CNTN5: variants seen among roughly 807,000 people sequenced by gnomAD.
CNTN5 encodes the protein contactin-5.
In CNTN5, 77 loss-of-function variants were observed where a neutral mutation model predicts 129.1. The ratio of observed to expected loss-of-function variants is 0.60; its 90% CI spans 0.50 to 0.72. The LOEUF is 0.72. Among genes scored for constraint, CNTN5 ranks in the 30% least tolerant of loss-of-function variants. The pLI, the probability that CNTN5 is intolerant of heterozygous loss-of-function variation, is 0.00. For synonymous variants in CNTN5, 509 were observed against 465.6 expected (o/e 1.09, Z -1.20); for missense variants, 1,478 against 1,328.8 (o/e 1.11, Z -1.75).
chr11:99,032,927 C>A (rs1409260965), intron 1 of CNTN5, among the ~76,000 whole-genome samples: 1 of 136,260 alleles, frequency 7.3e-6, no homozygotes, highest in African/African-American at 3.0e-5. Flanking sequence ...TTTAATCCAT[C>A]TTGAATTGAT....
At chr11:99,139,980 T>A (rs11218533) in intron 1 of CNTN5, among the ~76,000 whole-genome samples, 34,289 of 152,020 alleles carry the variant, frequency 0.23, 4,157 homozygotes, top group East Asian at 0.33. Context: ...GCTCTCATGA[T>A]CTCCAAGCTT....
intron 13 of CNTN5, among the ~76,000 whole-genome samples, chr11:100,140,048 G>GA (rs2138249823): frequency 6.6e-6 from 1 of 152,262 alleles, no homozygotes; most frequent in Non-Finnish European, 1.5e-5. Flanking sequence ...GTTATCAAGA[G>GA]AAAGAGAGGA....
rs188019627 is a variant in CNTN5, at chr11:99,922,711, A to G, written c.673+6562A>G. Among the ~76,000 whole-genome samples, 298 of 152,244 alleles carry G rather than the reference A, an allele frequency of 2.0e-3. 1 individual carries two copies. The highest frequency in any genetic ancestry group is 3.2e-3 in the Non-Finnish European group (221 of 68,004). On this transcript the variant is annotated intron_variant, in intron 7 of 24. Transcript: ENST00000524871. Reference sequence around the variant, plus strand: ...AAAGTGTCAGGAGTCAAATTTTATTATTTTTATCTTTCCAAGTAGATTATA... The same window carrying G: ...AAAGTGTCAGGAGTCAAATTTTATTGTTTTTATCTTTCCAAGTAGATTATA...
intron 8 of CNTN5, among the ~76,000 whole-genome samples, chr11:99,958,881 G>A (rs761382992): frequency 2.6e-5 from 4 of 152,024 alleles, no homozygotes; most frequent in African/African-American, 9.7e-5. Flanking sequence ...GGTTGAGGAG[G>A]CTCTTCCACC....
At chr11:99,693,657 G>A (rs570222455) in intron 3 of CNTN5, among the ~76,000 whole-genome samples, 1 of 152,192 alleles carries the variant, frequency 6.6e-6, no homozygotes, top group South Asian at 2.1e-4. Context: ...CCCAAATTGA[G>A]TAGTTGACAA....
At chr11:99,054,030 T>A (rs1201826280) in intron 1 of CNTN5, among the ~76,000 whole-genome samples, 2 of 152,014 alleles carry the variant, frequency 1.3e-5, no homozygotes, top group Non-Finnish European at 2.9e-5. Context: ...AATTCTGTTA[T>A]CCTTGGAAAG....
Position 100,024,031 on chromosome 11 carries a change from G to T in CNTN5, c.980+21895G>T, listed in dbSNP as rs116879783. 8.2e-3 allele frequency among the ~76,000 whole-genome samples: 1,246 copies of T among 152,130 alleles called. 10 individuals are homozygous for T. The highest frequency in any genetic ancestry group is 0.014 in the Non-Finnish European group (935 of 67,986). ...ACTCCTTTTGTTATATACCAAGGAG[G>T]GTGATACAGCTAGGCTTTTTATCCC... On this transcript the variant is annotated intron_variant, in intron 9 of 24. Transcript: ENST00000524871.
chr11:99,838,818 AGT>A (rs1947386431), intron 4 of CNTN5, among the ~76,000 whole-genome samples: 1 of 152,158 alleles, frequency 6.6e-6, no homozygotes, highest in Non-Finnish European at 1.5e-5. Flanking sequence ...CCACGAGGAA[AGT>A]GTACCCCAGA....
At chr11:99,031,196 A>G (rs1321866298) in intron 1 of CNTN5, among the ~76,000 whole-genome samples, 1 of 152,008 alleles carries the variant, frequency 6.6e-6, no homozygotes, top group East Asian at 1.9e-4. Context: ...GCTTGCAAAC[A>G]TTTTACAATT....
At chr11:99,577,323 G>A (rs1053526880) in intron 3 of CNTN5, among the ~76,000 whole-genome samples, 50 of 152,112 alleles carry the variant, frequency 3.3e-4, no homozygotes, top group African/African-American at 1.2e-3. Flanking sequence ...TTTGCCTCAA[G>A]CACTCATATT....
intron 1 of CNTN5, among the ~76,000 whole-genome samples, chr11:99,190,298 C>A (rs10736525): frequency 1 from 151,818 of 151,820 alleles, 75,908 homozygotes; most frequent in Middle Eastern, 1. Flanking sequence ...TTACTATAGC[C>A]TTGTAGTATA....
chr11:99,782,821 A>G (rs1055963487), intron 3 of CNTN5, among the ~76,000 whole-genome samples: 2 of 151,912 alleles, frequency 1.3e-5, no homozygotes, highest in African/African-American at 4.8e-5. Context: ...TTATACAAAA[A>G]TCAATTCAAG....
intron 3 of CNTN5, among the ~76,000 whole-genome samples, chr11:99,665,377 A>G (rs1952747676): frequency 1.3e-5 from 2 of 152,144 alleles, no homozygotes; most frequent in South Asian, 4.1e-4. Context: ...ACCAGAGAGC[A>G]AGGCAAGACA....
intron 1 of CNTN5, among the ~76,000 whole-genome samples, chr11:99,241,318 G>GTTTTTTTTTTTTTTTGTT (rs1861543088): frequency 1.1e-5 from 1 of 88,050 alleles, no homozygotes; most frequent in Non-Finnish European, 2.1e-5. Context: ...TTGATTGTTG[G>GTTTTTTTTTTTTTTTGTT]TTTTTTTTTT....
At chr11:99,356,195 C>G (rs534159008) in intron 2 of CNTN5, among the ~76,000 whole-genome samples, 8 of 152,070 alleles carry the variant, frequency 5.3e-5, no homozygotes, top group Non-Finnish European at 7.4e-5. Context: ...ACCACCCCCC[C>G]CCAACCAAGT....
chr11:99,807,431 T>C (rs1345790499), intron 3 of CNTN5, among the ~76,000 whole-genome samples: 7 of 152,198 alleles, frequency 4.6e-5, no homozygotes, highest in Non-Finnish European at 7.4e-5. Flanking sequence ...TGAAGAAGTT[T>C]TAACAAAACA....
intron 1 of CNTN5, among the ~76,000 whole-genome samples, chr11:99,285,994 C>A (rs189157653): frequency 7.9e-5 from 11 of 139,932 alleles, no homozygotes; most frequent in Non-Finnish European, 1.4e-4. Flanking sequence ...GGTGAGATTG[C>A]GCCACTGCAC....
chr11:99,524,733 G>A (rs1947419862), intron 2 of CNTN5, among the ~76,000 whole-genome samples: 1 of 151,758 alleles, frequency 6.6e-6, no homozygotes, highest in Admixed American at 6.6e-5. Flanking sequence ...AACCTGGGAG[G>A]CAGAGGTTGC....
At chr11:99,495,153 A>G (rs906119280) in intron 2 of CNTN5, among the ~76,000 whole-genome samples, 2 of 152,042 alleles carry the variant, frequency 1.3e-5, no homozygotes, top group African/African-American at 2.4e-5. Context: ...CAGATCACGA[A>G]GTCAGGAGTT....
Sources: allele counts gnomAD v4.1 joint callset (sites outside exome capture counted in the v4.1 genomes callset), GRCh38; gene constraint gnomAD v4.1.1; transcripts MANE v1.5; gene names NCBI Gene and HGNC (gene_info 2026-07-23, HGNC 2026-07-21).